Variants in NCK1 observed in about 807,000 individuals in gnomAD.
NCK1 encodes NCK adaptor protein 1, also known as SH2/SH3 adapter protein NCK1.
A neutral mutation model predicts 36.6 loss-of-function variants in NCK1; 19 were observed. That is an observed-to-expected ratio of 0.52 (90% confidence interval 0.36 to 0.76). The LOEUF is 0.76. Among genes scored for constraint, NCK1 ranks in the 30% least tolerant of loss-of-function variants. The pLI, the probability that NCK1 is intolerant of heterozygous loss-of-function variation, is 0.00. For missense variants in NCK1, 358 were observed against 445.6 expected (o/e 0.80, Z 1.77); for synonymous variants, 165 against 156.0 (o/e 1.06, Z -0.43).
At chr3:136,898,627 A>G (rs537761259) in intron 1 of NCK1, among the ~76,000 whole-genome samples, 1 of 152,342 alleles carries the variant, frequency 6.6e-6, no homozygotes, top group South Asian at 2.1e-4. Context: ...ACATCTTTGC[A>G]ATAAAACTGA....
At chr3:136,899,086 G>T (rs1939467718) in intron 1 of NCK1, 1 of 179,350 alleles carries the variant, frequency 5.6e-6, no homozygotes, top group South Asian at 1.3e-4. Context: ...AGTAGCATTT[G>T]GATGCAAAGG....
Position 136,884,117 on chromosome 3 carries a change from A to G in NCK1, c.-19+21764A>G, listed in dbSNP as rs114163297. Reference sequence around the variant, plus strand: ...TGATACGATGAAGTCATAATAATGAACGAGCTATCTAGAGAGAGGGTATAT... The same window carrying G: ...TGATACGATGAAGTCATAATAATGAGCGAGCTATCTAGAGAGAGGGTATAT... On this transcript the variant is annotated intron_variant, in intron 1 of 3. Transcript: ENST00000481752. 2.8e-3 allele frequency among the ~76,000 whole-genome samples: 434 copies of G among 152,320 alleles called. 4 individuals carry two copies. Among genetic ancestry groups the G allele is most frequent in the African/African-American group, 1.0e-2 (415 of 41,570 alleles).
chr3:136,913,604 C>A (rs2108114022), intron 1 of NCK1, among the ~76,000 whole-genome samples: 1 of 152,326 alleles, frequency 6.6e-6, no homozygotes, highest in African/African-American at 2.4e-5. Flanking sequence ...TATCTCAGAT[C>A]TTTTCTGAGC....
At chr3:136,894,638 T>TACTGTA in intron 1 of NCK1, among the ~76,000 whole-genome samples, 1 of 152,214 alleles carries the variant, frequency 6.6e-6, no homozygotes, top group African/African-American at 2.4e-5. Flanking sequence ...ACCATTGAGG[T>TACTGTA]ACTGTAAATG....
chr3:136,896,225 A>G (rs1939387499), intron 1 of NCK1, among the ~76,000 whole-genome samples: 1 of 152,120 alleles, frequency 6.6e-6, no homozygotes, highest in Admixed American at 6.5e-5. Context: ...AGAATATTAG[A>G]ATTTTTATAC....
At chr3:136,910,660 CAA>C (rs1448023875) in intron 1 of NCK1, among the ~76,000 whole-genome samples, 2 of 152,108 alleles carry the variant, frequency 1.3e-5, no homozygotes, top group Non-Finnish European at 2.9e-5. Context: ...TGTTAATTGA[CAA>C]ATCATAATTT....
chr3:136,874,429 C>A (rs1938709998), intron 1 of NCK1, among the ~76,000 whole-genome samples: 2 of 152,256 alleles, frequency 1.3e-5, no homozygotes, highest in Admixed American at 6.5e-5. Flanking sequence ...ACCCGCCCAC[C>A]TTGGCCACCC....
chr3:136,946,401 A>G, intron 3 of NCK1, 106 bp downstream of exon 3: 1 of 888,680 alleles, frequency 1.1e-6, no homozygotes, highest in Non-Finnish European at 1.7e-6. Context: ...TAACCAGGTA[A>G]CAAGCTGGGA....
At chr3:136,904,219 C>T (rs1367365432) in intron 1 of NCK1, among the ~76,000 whole-genome samples, 2 of 152,102 alleles carry the variant, frequency 1.3e-5, no homozygotes, top group African/African-American at 4.8e-5. Context: ...GTGGTGCAGT[C>T]TCAGCTCACT....
chr3:136,887,884 C>T (rs930756726), intron 1 of NCK1, among the ~76,000 whole-genome samples: 3 of 151,874 alleles, frequency 2.0e-5, no homozygotes, highest in African/African-American at 2.4e-5. Context: ...TGTAATGTTT[C>T]GGTTCTTGTT....
chr3:136,944,158 C>T (rs1264235296), intron 2 of NCK1, among the ~76,000 whole-genome samples: 6 of 125,654 alleles, frequency 4.8e-5, no homozygotes, highest in African/African-American at 1.3e-4. Flanking sequence ...CTTGCCCTGT[C>T]GCCAGGCTGG....
At chr3:136,929,090 T>C (rs1940328029) in intron 2 of NCK1, among the ~76,000 whole-genome samples, 1 of 152,146 alleles carries the variant, frequency 6.6e-6, no homozygotes, top group South Asian at 2.1e-4. Flanking sequence ...CATTAGTTTT[T>C]ATTTATTTAT....
At chr3:136,943,705 A>G (rs1430563856) in intron 2 of NCK1, among the ~76,000 whole-genome samples, 1 of 152,230 alleles carries the variant, frequency 6.6e-6, no homozygotes, top group Non-Finnish European at 1.5e-5. Context: ...ACAGAAACGA[A>G]TAAGATCTCG....
intron 1 of NCK1, among the ~76,000 whole-genome samples, chr3:136,886,929 C>T (rs970359264): frequency 4.6e-5 from 7 of 151,760 alleles, no homozygotes; most frequent in East Asian, 1.9e-4. Flanking sequence ...CTGCAACCTC[C>T]GCCTCCCAGG....
Position 136,897,478 on chromosome 3 carries a change from G to A in NCK1, c.-18-30506G>A, listed in dbSNP as rs1576961118. On this transcript the variant is annotated intron_variant, in intron 1 of 3. Transcript: ENST00000481752. ...TATTTGCATTTCCTTAATGATTAGT[G>A]ATGTTGAGCATTTTTTCATATACTT... Among the ~76,000 whole-genome samples the A allele has an allele frequency of 3.3e-5, 5 of 152,258 alleles. No homozygotes were observed. In the South Asian group the frequency reaches 8.3e-4, roughly 25 times the overall value.
intron 1 of NCK1, among the ~76,000 whole-genome samples, chr3:136,872,674 G>A (rs1938659324): frequency 6.6e-6 from 1 of 152,306 alleles, no homozygotes; most frequent in South Asian, 2.1e-4. Flanking sequence ...AGCCTTGGAG[G>A]AAAAAGTGGT....
At chr3:136,895,396 ACCACC>A (rs879642782) in intron 1 of NCK1, among the ~76,000 whole-genome samples, 155 of 151,986 alleles carry the variant, frequency 1.0e-3, no homozygotes, top group Non-Finnish European at 1.7e-3. Flanking sequence ...AAATTGCCAT[ACCACC>A]TTTTTTAAAA....
intron 1 of NCK1, among the ~76,000 whole-genome samples, chr3:136,870,900 G>T (rs1183603200): frequency 6.6e-6 from 1 of 152,112 alleles, no homozygotes; most frequent in Non-Finnish European, 1.5e-5. Context: ...TCAGACAGAT[G>T]CCAAATATTA....
chr3:136,896,740 GTCC>G (rs1188951007), intron 1 of NCK1, among the ~76,000 whole-genome samples: 1 of 152,074 alleles, frequency 6.6e-6, no homozygotes, highest in Non-Finnish European at 1.5e-5. Flanking sequence ...GGCTCAAGCA[GTCC>G]TCCTGCCTCG....
Sources: allele counts gnomAD v4.1 joint callset (sites outside exome capture counted in the v4.1 genomes callset), GRCh38; gene constraint gnomAD v4.1.1; transcripts MANE v1.5; gene names NCBI Gene and HGNC (gene_info 2026-07-23, HGNC 2026-07-21).